The following SANBR variants were observed in gnomAD, a reference collection of about 807,000 sequenced individuals.
SANBR encodes the protein SANT and BTB domain regulator of CSR.
A neutral mutation model predicts 101.8 loss-of-function variants in SANBR; 77 were observed. That is an observed-to-expected ratio of 0.76 (90% CI 0.63 to 0.91). SANBR has a LOEUF of 0.91. Ranked by LOEUF, SANBR falls within the 40% of genes least tolerant of loss-of-function variation. SANBR has a pLI of 0.00. For missense variants in SANBR, 875 were observed against 853.0 expected (o/e 1.03, Z -0.32); for synonymous variants, 279 against 274.7 (o/e 1.02, Z -0.15).
rs551841526 is a variant in SANBR, at chr2:61,122,405, TATTTACAA to T, written c.*248_*255del. The T allele has an allele frequency of 2.9e-4, 346 of 1,203,300 alleles. No homozygotes were observed. The highest frequency in any genetic ancestry group is 2.5e-3 in the African/African-American group (160 of 63,900). 74.5% of individuals were successfully genotyped at this position (1,203,300 alleles called of 1,614,324 possible). On this transcript the variant is annotated 3_prime_UTR_variant, in exon 22 of 22. Coordinates refer to ENST00000402291, the MANE Select transcript of SANBR (RefSeq NM_001129993.3). ...CATTCTAGGCTATGTAGAAAGCAAT[TATTTACAA>T]ATTTGCATAGTTGAGACTCCCAGTG...
chr2:61,083,461 A>G lies in SANBR; in HGVS notation c.890+147A>G, dbSNP rs565035833. 16 of 606,702 alleles carry G rather than the reference A, an allele frequency of 2.6e-5. 1 individual carries two copies. The highest frequency in any genetic ancestry group is 1.5e-4 in the African/African-American group (8 of 53,514). The allele number at this position is 606,702 out of a possible 1,614,324, so 37.6% of individuals were successfully genotyped here. ...GTTCAGGCTGGAGTGCAGTGGTGCAATCTTGGCTCACTGCAGCCTCAACCT... is the reference window on the plus strand; with the variant it reads ...GTTCAGGCTGGAGTGCAGTGGTGCAGTCTTGGCTCACTGCAGCCTCAACCT... On this transcript the variant is annotated intron_variant, in intron 8 of 21. Transcript: ENST00000402291.
At chr2:61,109,933 G>T (rs948441041) in intron 16 of SANBR, among the ~76,000 whole-genome samples, 2 of 152,004 alleles carry the variant, frequency 1.3e-5, no homozygotes, top group East Asian at 1.9e-4. Context: ...GATTACAGGC[G>T]TGAGCCACTG....
In SANBR at chr2:61,123,093, A is replaced by AT. The variant is rs2104977132; in HGVS notation, c.*933dup. On this transcript the variant is annotated 3_prime_UTR_variant, in exon 22 of 22. Transcript: ENST00000402291. ...TATATTCAAGAAAAATCAAAATAAAATTCTATTTTATAAATCATGTTTAAA... is the reference window on the plus strand; with the variant it reads ...TATATTCAAGAAAAATCAAAATAAAATTTCTATTTTATAAATCATGTTTAAA... 3 of 970,266 alleles carry AT rather than the reference A, an allele frequency of 3.1e-6. No homozygotes were observed. The South Asian group carries it at 1.4e-4, about 46-fold the overall frequency. The allele number at this position is 970,266 out of a possible 1,614,324, so 60.1% of individuals were successfully genotyped here. A position where few individuals can be genotyped will look rare whatever the true frequency, so the allele number is the denominator to read the frequency against.
Position 61,122,242 on chromosome 2 carries a change from A to G in SANBR, c.*80A>G. The G allele has an allele frequency of 6.8e-7, 1 of 1,471,580 alleles. No homozygotes were observed. Among genetic ancestry groups the G allele is most frequent in the Non-Finnish European group, 9.0e-7 (1 of 1,106,474 alleles). 91.2% of individuals were successfully genotyped at this position (1,471,580 alleles called of 1,614,324 possible). On this transcript the variant is annotated 3_prime_UTR_variant, in exon 22 of 22. Transcript: ENST00000402291. The stretch of plus-strand genomic sequence containing the variant: ...TTGCTCACTTCTTGAAGATCTTCAG[A>G]ACAATGACTTCCAACTGTTTTATGT...
At chr2:61,118,215 A>G (rs1573665637) in intron 20 of SANBR, 99 bp downstream of exon 20, 2 of 766,272 alleles carry the variant, frequency 2.6e-6, no homozygotes, top group East Asian at 5.6e-5. Flanking sequence ...CAGAATTTTA[A>G]AAGAGTAATT....
intron 8 of SANBR, among the ~76,000 whole-genome samples, chr2:61,084,098 C>T (rs930107028): frequency 3.9e-5 from 6 of 152,078 alleles, no homozygotes; most frequent in South Asian, 2.1e-4. Context: ...GAACCACAGG[C>T]GCACGCCACC....
chr2:61,129,132 CA>C (rs1337227555), downstream of SANBR, among the ~76,000 whole-genome samples: 1 of 152,056 alleles, frequency 6.6e-6, no homozygotes, highest in Non-Finnish European at 1.5e-5. Flanking sequence ...ACCCACCTTA[CA>C]AAAAATACTA....
chr2:61,072,996 G>T (rs1681565862), intron 4 of SANBR, among the ~76,000 whole-genome samples: 1 of 151,810 alleles, frequency 6.6e-6, no homozygotes, highest in Non-Finnish European at 1.5e-5. Flanking sequence ...TGAGCCTACA[G>T]CCACTCTTTA....
intron 7 of SANBR, 83 bp downstream of exon 7, chr2:61,081,593 C>A: frequency 7.6e-7 from 1 of 1,323,714 alleles, no homozygotes; most frequent in Non-Finnish European, 1.0e-6. Flanking sequence ...AATTCTGAGA[C>A]TTTATTAAAA....
At position 61,123,628 on chromosome 2, in the gene SANBR, G is replaced by A; in HGVS notation, c.*1466G>A. On this transcript the variant is annotated 3_prime_UTR_variant, in exon 22 of 22. Transcript: ENST00000402291. ...CTGTGTTTTCTGATTAAAGGATTTG[G>A]ATTTGTACATGTAAACAGTGCTGTA... The A allele has an allele frequency of 1.0e-6, 1 of 985,094 alleles. No individual in the cohort carries two copies. Among genetic ancestry groups the A allele is most frequent in the African/African-American group, 1.7e-5 (1 of 57,336 alleles). 61.0% of individuals were successfully genotyped at this position (985,094 alleles called of 1,614,324 possible).
chr2:61,081,043 A>C (rs1682096731), intron 6 of SANBR, among the ~76,000 whole-genome samples: 1 of 152,148 alleles, frequency 6.6e-6, no homozygotes. Context: ...AAAATTAAAT[A>C]TTTGTTCATA....
chr2:61,095,282 A>G (rs1438707146), intron 11 of SANBR, among the ~76,000 whole-genome samples: 1 of 152,184 alleles, frequency 6.6e-6, no homozygotes, highest in Non-Finnish European at 1.5e-5. Flanking sequence ...TTGATTGATG[A>G]TATTGACTAT....
chr2:61,115,784 A>G (rs1370959200), intron 16 of SANBR, 195 bp from the exon 17 acceptor site: 3 of 424,240 alleles, frequency 7.1e-6, no homozygotes, highest in Non-Finnish European at 1.3e-5. Flanking sequence ...AACCCCTGTA[A>G]AGCAATTTCA....
At chr2:61,125,916 G>T (rs910981530), downstream of SANBR, among the ~76,000 whole-genome samples, 1 of 152,090 alleles carries the variant, frequency 6.6e-6, no homozygotes, top group Admixed American at 6.6e-5. Flanking sequence ...ACACCTTCTT[G>T]AAATAGTTTT....
At chr2:61,069,894 T>C (rs1186483373) in intron 2 of SANBR, among the ~76,000 whole-genome samples, 1 of 152,218 alleles carries the variant, frequency 6.6e-6, no homozygotes, top group Non-Finnish European at 1.5e-5. Flanking sequence ...TAAACCATTA[T>C]TTTCAATCTG....
At chr2:61,100,670 AAGT>A (rs1683240884) in intron 12 of SANBR, among the ~76,000 whole-genome samples, 2 of 152,192 alleles carry the variant, frequency 1.3e-5, no homozygotes, top group African/African-American at 4.8e-5. Flanking sequence ...GTTCTCTAAA[AAGT>A]AGATTAAGCC....
intron 21 of SANBR, among the ~76,000 whole-genome samples, chr2:61,135,120 G>T (rs775106507): frequency 2.6e-5 from 4 of 152,222 alleles, no homozygotes; most frequent in Non-Finnish European, 5.9e-5. Flanking sequence ...AACTCGGGAA[G>T]GCGGAGGTTG....
At chr2:61,115,913 G>T in intron 16 of SANBR, 66 bp from the exon 17 acceptor site, 1 of 921,876 alleles carries the variant, frequency 1.1e-6, no homozygotes. Context: ...TTATTGTTTA[G>T]AAGTAACAAG....
Position 61,123,310 on chromosome 2 carries a change from A to C in SANBR, c.*1148A>C, listed in dbSNP as rs973183607. 1 of 979,592 alleles carries C rather than the reference A, an allele frequency of 1.0e-6. No homozygotes were observed. Among genetic ancestry groups the C allele is most frequent in the Non-Finnish European group, 1.2e-6 (1 of 824,526 alleles). The allele number at this position is 979,592 out of a possible 1,614,324, so 60.7% of individuals were successfully genotyped here. A position where few individuals can be genotyped will look rare whatever the true frequency, so the allele number is the denominator to read the frequency against. ...ATTATTCAGAGAACAGACTTTAATA[A>C]TGTGTGACAAAAGAGCAATTTCCAT... On this transcript the variant is annotated 3_prime_UTR_variant, in exon 22 of 22. Transcript: ENST00000402291.
Sources: gnomAD v4.1 joint callset for allele counts (sites outside exome capture counted in the v4.1 genomes callset) on GRCh38, gnomAD v4.1.1 for gene constraint, MANE v1.5 for transcripts, NCBI Gene and HGNC (gene_info 2026-07-23, HGNC 2026-07-21) for gene names.